Variants in CYP39A1 observed in about 807,000 individuals in gnomAD.
The protein encoded by CYP39A1 is 24-hydroxycholesterol 7-alpha-hydroxylase.
A neutral mutation model predicts 58.1 loss-of-function variants in CYP39A1; 49 were observed. That is an observed-to-expected ratio of 0.84 (90% confidence interval 0.67 to 1.07). The LOEUF (loss-of-function observed/expected upper bound fraction) is 1.07. CYP39A1 is among the 50% of genes least tolerant of loss of function. CYP39A1 has a pLI of 0.00. For synonymous variants in CYP39A1, 209 were observed against 187.6 expected (o/e 1.11, Z -0.93); for missense variants, 531 against 539.4 (o/e 0.98, Z 0.16).
At chr6:46,619,049 G>A (rs1774796345) in intron 7 of CYP39A1, among the ~76,000 whole-genome samples, 1 of 152,174 alleles carries the variant, frequency 6.6e-6, no homozygotes, top group South Asian at 2.1e-4. Flanking sequence ...ATGCTAAACT[G>A]TTGACTTGTC....
chr6:46,570,811 T>G (rs1771546440), intron 10 of CYP39A1, among the ~76,000 whole-genome samples: 1 of 152,134 alleles, frequency 6.6e-6, no homozygotes, highest in Non-Finnish European at 1.5e-5. Context: ...CCCAAGCCAT[T>G]CATGGGGGAT....
chr6:46,632,868 G>T (rs916870930), intron 5 of CYP39A1, among the ~76,000 whole-genome samples: 1 of 151,976 alleles, frequency 6.6e-6, no homozygotes, highest in Non-Finnish European at 1.5e-5. Context: ...TTAGGGATTT[G>T]GAGAACTGCA....
chr6:46,565,396 T>C (rs1561953313), intron 10 of CYP39A1, among the ~76,000 whole-genome samples: 1 of 151,618 alleles, frequency 6.6e-6, no homozygotes, highest in South Asian at 2.1e-4. Context: ...GGAAGGTAGA[T>C]GTTTTATATT....
rs770287170 is a variant in CYP39A1 at position 46,553,788 on chromosome 6, A to AAGACTAC, written c.1310_1316dup (p.Leu440Ter). On this transcript the variant is annotated stop_gained and frameshift_variant, in exon 11 of 12. Coordinates refer to ENST00000275016, the MANE Select transcript of CYP39A1 (RefSeq NM_016593.5). LOFTEE classifies it high-confidence loss of function. ...TTACCTGTTTGGGTAATGGGTCCAG[A>AAGACTAC]AGACTACAGTCATATTTATAAAGTA... is the stretch of plus-strand genomic sequence containing the variant. The AAGACTAC allele has an allele frequency of 3.1e-6, 5 of 1,610,522 alleles. No homozygotes were observed. Among genetic ancestry groups the AAGACTAC allele is most frequent in the Non-Finnish European group, 4.2e-6 (5 of 1,177,418 alleles).
At chr6:46,556,960 T>C (rs1246179869) in intron 10 of CYP39A1, among the ~76,000 whole-genome samples, 4 of 152,148 alleles carry the variant, frequency 2.6e-5, no homozygotes, top group Admixed American at 2.6e-4. Flanking sequence ...CTCCACAGGT[T>C]CATAAAGGTA....
chr6:46,626,017 A>AT (rs1775289615), intron 6 of CYP39A1, among the ~76,000 whole-genome samples: 1 of 152,082 alleles, frequency 6.6e-6, no homozygotes, highest in South Asian at 2.1e-4. Flanking sequence ...CGTAAACTAA[A>AT]TTATGAGAGT....
rs137913058 is a variant in CYP39A1 at position 46,575,020 on chromosome 6, T to C, written c.1250+12057A>G. ...TGAAAGTAGAGAAAGTTGGGAACAC[T>C]GCAGGGGGTTGCCGAGCACCAGGAC... is the stretch of plus-strand genomic sequence containing the variant. On this transcript the variant is annotated intron_variant, in intron 10 of 11. Transcript: ENST00000275016. 1.2e-3 allele frequency among the ~76,000 whole-genome samples: 183 copies of C among 152,110 alleles called. 5 individuals are homozygous for C. The South Asian group carries it at 0.027, about 23-fold the overall frequency.
chr6:46,574,644 A>G (rs1771759326), intron 10 of CYP39A1, among the ~76,000 whole-genome samples: 1 of 152,112 alleles, frequency 6.6e-6, no homozygotes, highest in East Asian at 1.9e-4. Context: ...TGGGAGAAAA[A>G]AGGGATATCC....
intron 7 of CYP39A1, among the ~76,000 whole-genome samples, chr6:46,619,365 CTACAAAGACCAACTATGTTTAGT>C (rs1774820127): frequency 6.6e-6 from 1 of 152,122 alleles, no homozygotes; most frequent in African/African-American, 2.4e-5. Flanking sequence ...CAGCTAGGTA[CTACAAAGACCAACTATGTTTAGT>C]TTCTGTTGTT....
intron 6 of CYP39A1, among the ~76,000 whole-genome samples, chr6:46,628,878 G>T (rs563619645): frequency 6.6e-6 from 1 of 152,204 alleles, no homozygotes; most frequent in Non-Finnish European, 1.5e-5. Context: ...GATAATTTTT[G>T]TAAGGGAAGA....
At chr6:46,618,170 T>A (rs1000058560) in intron 7 of CYP39A1, among the ~76,000 whole-genome samples, 1 of 152,180 alleles carries the variant, frequency 6.6e-6, no homozygotes, top group Non-Finnish European at 1.5e-5. Context: ...ATTTGCCAGG[T>A]ACTACGCTAT....
intron 7 of CYP39A1, among the ~76,000 whole-genome samples, chr6:46,611,056 G>A (rs1467043297): frequency 6.6e-6 from 1 of 152,154 alleles, no homozygotes; most frequent in Non-Finnish European, 1.5e-5. Flanking sequence ...TGAGCACTGG[G>A]GCCTCAGGGA....
In CYP39A1 at chr6:46,652,551, A is replaced by G; in HGVS notation, c.32T>C (p.Ile11Thr). 1 of 1,609,912 alleles carries G rather than the reference A, an allele frequency of 6.2e-7. No individual in the cohort carries two copies. The highest frequency in any genetic ancestry group is 8.5e-7 in the Non-Finnish European group (1 of 1,178,436). The change falls in exon 1 of 12, where the codon ATC becomes ACC. Residue 11 changes from isoleucine (I) to threonine (T), a missense_variant. Transcript: ENST00000275016. ...TAAGAACAGAGCAAGGCAACCCAGG[A>G]TTATAATCACTGTTGGGGAAATTAG... The part of the protein sequence containing the change: MELISPTVII[I>T]LGCLALFLLL...
rs923496619 is a variant in CYP39A1 at position 46,643,535 on chromosome 6, T to C, written c.178-1237A>G. Among the ~76,000 whole-genome samples, 28 of 152,342 alleles carry C rather than the reference T, an allele frequency of 1.8e-4. 1 individual carries two copies. The highest frequency in any genetic ancestry group is 3.3e-4 in the Admixed American group (5 of 15,300). On this transcript the variant is annotated intron_variant, in intron 1 of 11. Coordinates refer to ENST00000275016, the MANE Select transcript of CYP39A1 (RefSeq NM_016593.5). ...TCTGTAATTGTTTGTTAACCAGTAGTTAGAAGATGACTCATTTTCATTGTT... is the reference window on the plus strand; with the variant it reads ...TCTGTAATTGTTTGTTAACCAGTAGCTAGAAGATGACTCATTTTCATTGTT...
chr6:46,645,112 T>C (rs1213663090), intron 1 of CYP39A1, among the ~76,000 whole-genome samples: 1 of 152,182 alleles, frequency 6.6e-6, no homozygotes, highest in Admixed American at 6.5e-5. Context: ...TTTAATGAGC[T>C]CTTTTACAGA....
At chr6:46,608,768 C>T (rs1774007577) in intron 7 of CYP39A1, among the ~76,000 whole-genome samples, 1 of 152,046 alleles carries the variant, frequency 6.6e-6, no homozygotes, top group Non-Finnish European at 1.5e-5. Flanking sequence ...GCACTTGCCA[C>T]AAACCCGGCT....
At chr6:46,557,000 A>G (rs998142988) in intron 10 of CYP39A1, among the ~76,000 whole-genome samples, 3 of 152,204 alleles carry the variant, frequency 2.0e-5, no homozygotes, top group Admixed American at 6.5e-5. Flanking sequence ...GGAGAGAAAG[A>G]TAAGATATTT....
intron 7 of CYP39A1, among the ~76,000 whole-genome samples, chr6:46,622,383 G>A (rs1775010136): frequency 6.6e-6 from 1 of 151,862 alleles, no homozygotes; most frequent in South Asian, 2.1e-4. Context: ...CATGTTACAT[G>A]CACACAAACT....
chr6:46,591,949 A>G (rs1363794362), intron 8 of CYP39A1, among the ~76,000 whole-genome samples: 3 of 152,166 alleles, frequency 2.0e-5, no homozygotes, highest in Non-Finnish European at 4.4e-5. Context: ...ACAGGTTTTA[A>G]AGGATAATTA....
Sources: allele counts gnomAD v4.1 joint callset (sites outside exome capture counted in the v4.1 genomes callset), GRCh38; gene constraint gnomAD v4.1.1; transcripts MANE v1.5; gene names NCBI Gene and HGNC (gene_info 2026-07-23, HGNC 2026-07-21).